Variants in ZC3HAV1 observed in about 807,000 individuals in gnomAD.
ZC3HAV1 encodes zinc finger CCCH-type antiviral protein 1.
Under a neutral mutation model 86.6 loss-of-function variants are expected in ZC3HAV1, and 41 were observed. That is an observed-to-expected ratio of 0.47 (90% CI 0.37 to 0.61). The LOEUF is 0.61. ZC3HAV1 is among the 20% of genes least tolerant of loss of function. The pLI, the probability that ZC3HAV1 is intolerant of heterozygous loss-of-function variation, is 0.00. For synonymous variants in ZC3HAV1, 421 were observed against 432.1 expected, an observed-to-expected ratio of 0.97 and a Z score of 0.32; for missense variants, 964 against 1,141.1, an observed-to-expected ratio of 0.84 and a Z score of 2.24.
At chr7:139,056,286 G>T (rs1816278131) in intron 9 of ZC3HAV1, among the ~76,000 whole-genome samples, 1 of 151,482 alleles carries the variant, frequency 6.6e-6, no homozygotes, top group South Asian at 2.1e-4. Context: ...AAAGTGCTAG[G>T]ATTATAAGCA....
At chr7:139,052,569 C>T (rs915357479) in intron 12 of ZC3HAV1, among the ~76,000 whole-genome samples, 1 of 141,478 alleles carries the variant, frequency 7.1e-6, no homozygotes, top group Non-Finnish European at 1.5e-5. Flanking sequence ...CGAGCCATTG[C>T]ACTCCAGCCT....
chr7:139,094,159 T>C (rs543621784), intron 1 of ZC3HAV1, among the ~76,000 whole-genome samples: 2 of 152,270 alleles, frequency 1.3e-5, no homozygotes, highest in Non-Finnish European at 1.5e-5. Flanking sequence ...CAGCATCACC[T>C]AGACAGGAGG....
chr7:139,077,397 C>A (rs939403026), intron 5 of ZC3HAV1, among the ~76,000 whole-genome samples: 2 of 152,178 alleles, frequency 1.3e-5, no homozygotes, highest in Non-Finnish European at 2.9e-5. Context: ...GCATGTGCCA[C>A]CACGCCCAGC....
At chr7:139,092,214 T>G (rs1451258502) in intron 1 of ZC3HAV1, among the ~76,000 whole-genome samples, 1 of 152,154 alleles carries the variant, frequency 6.6e-6, no homozygotes, top group Non-Finnish European at 1.5e-5. Context: ...CGCCACCATA[T>G]CTTATCAGTT....
At position 139,047,697 on chromosome 7, in the gene ZC3HAV1, T is replaced by C; in HGVS notation, c.2606A>G (p.Asp869Gly). The change falls in exon 13 of 13, where the codon GAT becomes GGT. Residue 869 changes from aspartate (D) to glycine (G), a missense_variant. Transcript: ENST00000242351. The stretch of plus-strand genomic sequence containing the variant: ...AAAAACGGAGGGATTCGATCTGGTA[T>C]CCACACAGCTGTCGAACTGTGGAGG... Reference protein sequence around the residue: ...SPPPQFDSCVDTRSNPSVFVI... With the variant: ...SPPPQFDSCVGTRSNPSVFVI... 1 of 1,614,150 alleles carries C rather than the reference T, an allele frequency of 6.2e-7. No individual in the cohort carries two copies. Among genetic ancestry groups the C allele is most frequent in the Non-Finnish European group, 8.5e-7 (1 of 1,180,030 alleles).
chr7:139,084,143 C>G (rs1817211967), intron 2 of ZC3HAV1, 111 bp from the exon 3 acceptor site: 2 of 1,404,820 alleles, frequency 1.4e-6, no homozygotes, highest in Non-Finnish European at 1.9e-6. Flanking sequence ...CAGAGATATA[C>G]CAAAGGGGGA....
chr7:139,086,342 G>T (rs1472650014), intron 2 of ZC3HAV1, among the ~76,000 whole-genome samples: 1 of 152,188 alleles, frequency 6.6e-6, no homozygotes, highest in African/African-American at 2.4e-5. Flanking sequence ...CTGACGAGTG[G>T]AAAACAGCAA....
Position 139,109,252 on chromosome 7 carries a change from A to T in ZC3HAV1, c.80T>A (p.Leu27His). Residue 27 changes from leucine (L) to histidine (H), a missense_variant, in exon 1 of 13, where the codon CTC (leucine) becomes CAC (histidine). Physicochemically the swap from Leu to His is moderately conservative, Grantham distance 99 (BLOSUM62 -3). Transcript: ENST00000242351. ...CGGCTCAGACAGCGCGATCTCCTGG[A>T]GCAGCGCGTCCAGGGCCATGCGGCC... ...HGGRMALDAL[L>H]QEIALSEPQL... The T allele has an allele frequency of 6.2e-7, 1 of 1,612,134 alleles. No individual in the cohort carries two copies. The highest frequency in any genetic ancestry group is 8.5e-7 in the Non-Finnish European group (1 of 1,179,522).
At chr7:139,053,628 C>G in intron 11 of ZC3HAV1, 47 bp from the exon 12 acceptor site, 1 of 1,521,188 alleles carries the variant, frequency 6.6e-7, no homozygotes, top group Non-Finnish European at 8.8e-7. Flanking sequence ...CCCCTTCCCA[C>G]TCCAGTTGAT....
intron 1 of ZC3HAV1, among the ~76,000 whole-genome samples, chr7:139,107,696 G>A (rs1156953028): frequency 1.3e-5 from 2 of 152,168 alleles, no homozygotes; most frequent in Non-Finnish European, 2.9e-5. Context: ...CCAGCTACTC[G>A]GGAGGCTGAG....
At chr7:139,055,373 C>G in intron 9 of ZC3HAV1, 78 bp from the exon 10 acceptor site, 4 of 1,276,576 alleles carry the variant, frequency 3.1e-6, no homozygotes, top group Middle Eastern at 1.9e-4. Flanking sequence ...CTTCCAGCCA[C>G]TAGGCCAAGG....
rs180697509 is a variant in ZC3HAV1, at chr7:139,090,080, C to T, written c.309-321G>A. Among the ~76,000 whole-genome samples, 1,416 of 152,054 alleles carry T rather than the reference C, an allele frequency of 9.3e-3. 20 individuals carry two copies. Among genetic ancestry groups the T allele is most frequent in the African/African-American group, 0.032 (1,341 of 41,486 alleles). ...AAACACAGGCACGCACCACCACACC[C>T]GGCTAATTTTTTGTATTTTTAGTAG... On this transcript the variant is annotated intron_variant, in intron 1 of 12. Coordinates refer to ENST00000242351, the MANE Select transcript of ZC3HAV1 (RefSeq NM_020119.4).
chr7:139,094,006 C>T (rs1817507825), intron 1 of ZC3HAV1, among the ~76,000 whole-genome samples: 1 of 152,102 alleles, frequency 6.6e-6, no homozygotes, highest in Non-Finnish European at 1.5e-5. Context: ...CCCGTGGCCT[C>T]TTGGGGTTTG....
chr7:139,076,833 G>A (rs531662555), intron 5 of ZC3HAV1, among the ~76,000 whole-genome samples: 4 of 151,752 alleles, frequency 2.6e-5, no homozygotes, highest in Non-Finnish European at 4.4e-5. Context: ...TGGAGGTTGC[G>A]GTGAGCCGAG....
At chr7:139,107,355 T>A (rs1029782009) in intron 1 of ZC3HAV1, among the ~76,000 whole-genome samples, 3 of 152,230 alleles carry the variant, frequency 2.0e-5, no homozygotes, top group Non-Finnish European at 4.4e-5. Context: ...TTAAAAACGT[T>A]AGAGTGAGCT....
chr7:139,092,583 C>T (rs1198904518), intron 1 of ZC3HAV1, among the ~76,000 whole-genome samples: 1 of 152,198 alleles, frequency 6.6e-6, no homozygotes, highest in African/African-American at 2.4e-5. Flanking sequence ...TGTGGCACTT[C>T]CAGGGTCCCT....
chr7:139,065,729 C>T (rs1290106966), intron 7 of ZC3HAV1, among the ~76,000 whole-genome samples: 1 of 152,030 alleles, frequency 6.6e-6, no homozygotes, highest in Admixed American at 6.6e-5. Flanking sequence ...CATGGTGAAA[C>T]CCTGTCTCTA....
chr7:139,063,770 A>G (rs1418505374), intron 8 of ZC3HAV1, among the ~76,000 whole-genome samples: 1 of 151,842 alleles, frequency 6.6e-6, no homozygotes. Flanking sequence ...TTCATTTAAC[A>G]ACACCAAATT....
intron 8 of ZC3HAV1, among the ~76,000 whole-genome samples, 175 bp from the exon 9 acceptor site, chr7:139,061,313 T>C (rs1816436592): frequency 6.6e-6 from 1 of 152,232 alleles, no homozygotes; most frequent in African/African-American, 2.4e-5. Context: ...ACTTGTATCC[T>C]TCACTGCCAT....
Sources: gnomAD v4.1 joint callset for allele counts (sites outside exome capture counted in the v4.1 genomes callset) on GRCh38, gnomAD v4.1.1 for gene constraint, MANE v1.5 for transcripts, NCBI Gene and HGNC (gene_info 2026-07-23, HGNC 2026-07-21) for gene names.